KSR1: variants seen among roughly 807,000 people sequenced by gnomAD.
KSR1 encodes kinase suppressor of ras 1.
Under a neutral mutation model 92.9 loss-of-function variants are expected in KSR1, and 35 were observed. The observed-to-expected ratio is 0.38, with a 90% CI of 0.29 to 0.50. The LOEUF is 0.50. KSR1 is among the 20% of genes least tolerant of loss of function. The probability of loss-of-function intolerance (pLI) is 0.94; values close to 1 mark genes in which losing one functional copy is unlikely to be tolerated. For synonymous variants in KSR1, 467 were observed against 472.6 expected, an observed-to-expected ratio of 0.99 and a Z score of 0.15; for missense variants, 972 against 1,158.5, an observed-to-expected ratio of 0.84 and a Z score of 2.34.
At chr17:27,590,722 G>T in intron 6 of KSR1, 89 bp from the exon 7 acceptor site, 1 of 1,238,422 alleles carries the variant, frequency 8.1e-7, no homozygotes. Flanking sequence ...AAGACTCCCA[G>T]TTGCCCTGGA....
intron 2 of KSR1, among the ~76,000 whole-genome samples, chr17:27,570,746 G>C (rs983756177): frequency 3.3e-5 from 5 of 152,150 alleles, no homozygotes; most frequent in Non-Finnish European, 5.9e-5. Flanking sequence ...GCCGTGCTGT[G>C]GCCACATCTG....
chr17:27,458,633 GTGTT>G (rs1408033917), intron 1 of KSR1, among the ~76,000 whole-genome samples: 1 of 152,206 alleles, frequency 6.6e-6, no homozygotes, highest in African/African-American at 2.4e-5. Context: ...TCCCTCCTGA[GTGTT>G]TGTTTAGACG....
At chr17:27,500,638 A>G (rs2069144254) in intron 1 of KSR1, among the ~76,000 whole-genome samples, 2 of 152,252 alleles carry the variant, frequency 1.3e-5, no homozygotes, top group Non-Finnish European at 2.9e-5. Flanking sequence ...TAAAGTTCTA[A>G]AAGTAGCGTT....
chr17:27,511,893 A>G (rs2069614166), intron 1 of KSR1, among the ~76,000 whole-genome samples: 1 of 152,244 alleles, frequency 6.6e-6, no homozygotes, highest in African/African-American at 2.4e-5. Flanking sequence ...GGATAAGCAC[A>G]CCCGACAAAC....
chr17:27,614,186 A>G (rs1313099117), intron 18 of KSR1, among the ~76,000 whole-genome samples: 1 of 152,216 alleles, frequency 6.6e-6, no homozygotes, highest in African/African-American at 2.4e-5. Context: ...ATGACATTTT[A>G]TTATGCTCAT....
chr17:27,622,265 T>C (rs1283818973), intron 20 of KSR1: 2 of 392,258 alleles, frequency 5.1e-6, no homozygotes, highest in Non-Finnish European at 9.4e-6. Context: ...GTCTTGTTTT[T>C]GTTTGGGTGG....
At chr17:27,532,413 G>A (rs758644910) in intron 1 of KSR1, among the ~76,000 whole-genome samples, 17 of 152,228 alleles carry the variant, frequency 1.1e-4, no homozygotes, top group Non-Finnish European at 2.1e-4. Flanking sequence ...GCACTTTCAG[G>A]TACGGGCTGC....
chr17:27,473,251 T>C (rs2020117259), intron 1 of KSR1, among the ~76,000 whole-genome samples: 1 of 152,246 alleles, frequency 6.6e-6, no homozygotes, highest in Admixed American at 6.5e-5. Context: ...AGAAATTTGC[T>C]TGATCTTGGG....
intron 1 of KSR1, among the ~76,000 whole-genome samples, chr17:27,514,671 A>AAAAG (rs2069723922): frequency 6.6e-6 from 1 of 150,908 alleles, no homozygotes; most frequent in South Asian, 2.1e-4. Flanking sequence ...AAAAAAAAAA[A>AAAAG]AAAAGAAAAG....
chr17:27,588,962 T>TC (rs1300801206), intron 6 of KSR1, among the ~76,000 whole-genome samples: 1 of 152,128 alleles, frequency 6.6e-6, no homozygotes, highest in Non-Finnish European at 1.5e-5. Flanking sequence ...AGGTTCTTGC[T>TC]CCCCTCACCC....
At chr17:27,584,742 G>A (rs1331239854) in intron 4 of KSR1, among the ~76,000 whole-genome samples, 2 of 152,148 alleles carry the variant, frequency 1.3e-5, no homozygotes, top group Non-Finnish European at 2.9e-5. Flanking sequence ...CTGACGTGAC[G>A]CTCAGGCCAC....
chr17:27,609,542 C>T (rs1198376683), intron 16 of KSR1, among the ~76,000 whole-genome samples: 1 of 152,212 alleles, frequency 6.6e-6, no homozygotes, highest in African/African-American at 2.4e-5. Flanking sequence ...ACCAGGTCCC[C>T]ACACTCACAT....
At chr17:27,495,611 T>C (rs765735370) in intron 1 of KSR1, among the ~76,000 whole-genome samples, 2 of 152,322 alleles carry the variant, frequency 1.3e-5, no homozygotes, top group South Asian at 4.1e-4. Flanking sequence ...CTGTGAGCAA[T>C]GTTGTCCAGT....
At chr17:27,563,192 G>A (rs2071905338) in intron 2 of KSR1, among the ~76,000 whole-genome samples, 1 of 152,110 alleles carries the variant, frequency 6.6e-6, no homozygotes, top group South Asian at 2.1e-4. Context: ...CATTCTTCGT[G>A]AGCTAACAGT....
intron 10 of KSR1, among the ~76,000 whole-genome samples, chr17:27,600,549 T>C (rs926184495): frequency 1.3e-5 from 2 of 152,364 alleles, no homozygotes. Flanking sequence ...AGTAAGATGC[T>C]ACCGTGCATA....
chr17:27,550,846 G>A, intron 2 of KSR1, 138 bp downstream of exon 2: 1 of 614,770 alleles, frequency 1.6e-6, no homozygotes, highest in Non-Finnish European at 3.0e-6. Context: ...GGATGGGGAG[G>A]GACAGCAGCG....
intron 1 of KSR1, among the ~76,000 whole-genome samples, chr17:27,536,756 C>T (rs928829083): frequency 6.6e-6 from 1 of 152,212 alleles, no homozygotes; most frequent in Non-Finnish European, 1.5e-5. Flanking sequence ...TGCTCATGCA[C>T]CTGACCCTGG....
At position 27,593,233 on chromosome 17, in the gene KSR1, CTG is replaced by C. The variant is rs567802560; in HGVS notation, c.1299+611_1299+612del. On this transcript the variant is annotated intron_variant, in intron 9 of 20. Transcript: ENST00000644974. ...TGCAGCTAGACAGAGTCTGCAAAGC[CTG>C]TGTCCCCCAGGAGGGTTGGCACACC... Among the ~76,000 whole-genome samples, 36 of 152,358 alleles carry C rather than the reference CTG, an allele frequency of 2.4e-4. No individual in the cohort carries two copies. In the East Asian group the frequency reaches 6.9e-3, roughly 29 times the overall value.
At chr17:27,497,442 G>T (rs888648436) in intron 1 of KSR1, among the ~76,000 whole-genome samples, 2 of 152,200 alleles carry the variant, frequency 1.3e-5, no homozygotes, top group African/African-American at 4.8e-5. Context: ...TAATGAAGAA[G>T]ATGTCTCCTT....
Sources: allele counts gnomAD v4.1 joint callset (sites outside exome capture counted in the v4.1 genomes callset), GRCh38; gene constraint gnomAD v4.1.1; transcripts MANE v1.5; gene names NCBI Gene and HGNC (gene_info 2026-07-23, HGNC 2026-07-21).